The following CFAP61 variants were observed in gnomAD, a reference collection of about 807,000 sequenced individuals.
CFAP61 encodes cilia- and flagella-associated protein 61.
Under a neutral mutation model 135.6 loss-of-function variants are expected in CFAP61, and 107 were observed. That is an observed-to-expected ratio of 0.79 (90% confidence interval 0.67 to 0.93). The LOEUF is 0.93. Among genes scored for constraint, CFAP61 ranks in the 40% least tolerant of loss-of-function variants. The pLI, the probability that CFAP61 is intolerant of heterozygous loss-of-function variation, is 0.00. For synonymous variants in CFAP61, 575 were observed against 578.5 expected (o/e 0.99, Z 0.09); for missense variants, 1,507 against 1,556.2 (o/e 0.97, Z 0.53).
intron 26 of CFAP61, among the ~76,000 whole-genome samples, chr20:20,351,194 T>C (rs1419369261): frequency 1.3e-5 from 2 of 152,190 alleles, no homozygotes; most frequent in African/African-American, 4.8e-5. Context: ...CATGATCTTA[T>C]ACACATAAAA....
chr20:20,343,897 G>A (rs1026126226), intron 26 of CFAP61, among the ~76,000 whole-genome samples: 2 of 152,166 alleles, frequency 1.3e-5, no homozygotes, highest in East Asian at 1.9e-4. Context: ...ACCTGTGTAC[G>A]GATATTTGCT....
At chr20:20,116,841 G>C (rs900981754) in intron 8 of CFAP61, among the ~76,000 whole-genome samples, 13 of 152,068 alleles carry the variant, frequency 8.5e-5, no homozygotes, top group Non-Finnish European at 1.6e-4. Flanking sequence ...ATGTGAGTGA[G>C]AACATTTGAT....
At chr20:20,147,742 T>C (rs571560352) in intron 9 of CFAP61, among the ~76,000 whole-genome samples, 1 of 152,340 alleles carries the variant, frequency 6.6e-6, no homozygotes, top group East Asian at 1.9e-4. Flanking sequence ...ACTTTTTAGT[T>C]TAGTTAGGTC....
chr20:20,213,679 G>A (rs571454654), intron 17 of CFAP61, among the ~76,000 whole-genome samples: 5 of 151,930 alleles, frequency 3.3e-5, no homozygotes, highest in African/African-American at 7.3e-5. Flanking sequence ...GCCTGTTTAC[G>A]TTCTCACCAT....
intron 21 of CFAP61, among the ~76,000 whole-genome samples, chr20:20,276,773 T>A (rs2053795079): frequency 6.6e-6 from 1 of 152,220 alleles, no homozygotes; most frequent in Admixed American, 6.5e-5. Context: ...AGCATGAATA[T>A]TTTTTACCAT....
intron 21 of CFAP61, among the ~76,000 whole-genome samples, chr20:20,272,791 C>G (rs717778): frequency 0.097 from 14,754 of 152,034 alleles, 755 homozygotes; most frequent in Middle Eastern, 0.16. Context: ...TCTCTGCCCC[C>G]CTTTCTTTCT....
chr20:20,140,008 T>A (rs1331233485), intron 8 of CFAP61, among the ~76,000 whole-genome samples: 2 of 152,144 alleles, frequency 1.3e-5, no homozygotes, highest in African/African-American at 2.4e-5. Context: ...GAGGTTTTTT[T>A]AATTCACAAG....
intron 26 of CFAP61, among the ~76,000 whole-genome samples, chr20:20,354,311 C>T (rs191111738): frequency 2.0e-5 from 3 of 151,986 alleles, no homozygotes; most frequent in African/African-American, 4.8e-5. Flanking sequence ...AGAGCAGCCT[C>T]GCAAACATGG....
intron 15 of CFAP61, among the ~76,000 whole-genome samples, chr20:20,191,964 CGTG>C (rs1420718993): frequency 2.0e-5 from 3 of 151,966 alleles, no homozygotes; most frequent in Non-Finnish European, 4.4e-5. Flanking sequence ...TGTTCTGTTC[CGTG>C]GATTTATCTG....
At chr20:20,061,978 AC>A (rs1366942845) in intron 2 of CFAP61, among the ~76,000 whole-genome samples, 11 of 152,078 alleles carry the variant, frequency 7.2e-5, no homozygotes, top group Admixed American at 7.2e-4. Flanking sequence ...CTCTGGCCTC[AC>A]CCTAGTTCGA....
intron 9 of CFAP61, among the ~76,000 whole-genome samples, chr20:20,143,468 A>G (rs1291096954): frequency 6.6e-6 from 1 of 152,168 alleles, no homozygotes; most frequent in Non-Finnish European, 1.5e-5. Context: ...AATGAAGCTG[A>G]TTTAATGGAA....
intron 25 of CFAP61, among the ~76,000 whole-genome samples, chr20:20,341,171 A>G (rs2058431010): frequency 6.6e-6 from 1 of 152,202 alleles, no homozygotes; most frequent in Admixed American, 6.5e-5. Flanking sequence ...GTTCCAAGAC[A>G]CTTAAAGTAA....
At chr20:20,080,393 A>G (rs797013292) in intron 6 of CFAP61, among the ~76,000 whole-genome samples, 17 of 152,278 alleles carry the variant, frequency 1.1e-4, no homozygotes, top group African/African-American at 3.8e-4. Flanking sequence ...GCTCTAATAC[A>G]ATTCATTTAG....
intron 25 of CFAP61, among the ~76,000 whole-genome samples, chr20:20,306,501 A>G (rs1334356905): frequency 1.3e-5 from 2 of 152,218 alleles, no homozygotes; most frequent in African/African-American, 2.4e-5. Flanking sequence ...GTGCCCGTCA[A>G]TGAATGAAAG....
intron 13 of CFAP61, among the ~76,000 whole-genome samples, chr20:20,181,912 G>T (rs1438823955): frequency 6.6e-6 from 1 of 152,238 alleles, no homozygotes; most frequent in Non-Finnish European, 1.5e-5. Flanking sequence ...GGGACTGAAA[G>T]ATGGGAGCCA....
intron 17 of CFAP61, among the ~76,000 whole-genome samples, chr20:20,220,829 C>G (rs569172380): frequency 6.6e-6 from 1 of 152,170 alleles, no homozygotes; most frequent in African/African-American, 2.4e-5. Flanking sequence ...TTTCCCGAAC[C>G]TTTCAGCTCA....
intron 25 of CFAP61, among the ~76,000 whole-genome samples, chr20:20,303,993 G>C (rs2056272201): frequency 6.6e-6 from 1 of 152,108 alleles, no homozygotes; most frequent in Admixed American, 6.5e-5. Context: ...TGGCAGCCCT[G>C]CGGGTCAGAT....
intron 18 of CFAP61, among the ~76,000 whole-genome samples, chr20:20,243,779 C>T (rs951113416): frequency 2.0e-5 from 3 of 152,176 alleles, no homozygotes; most frequent in Non-Finnish European, 4.4e-5. Context: ...CAAAAGTCCA[C>T]AGCCTAAAGT....
chr20:20,196,287 C>A (rs2056281277), intron 15 of CFAP61, among the ~76,000 whole-genome samples: 2 of 152,158 alleles, frequency 1.3e-5, no homozygotes, highest in African/African-American at 4.8e-5. Context: ...GCCAATGGCA[C>A]AGACTCGGGG....
Sources: allele counts gnomAD v4.1 joint callset (sites outside exome capture counted in the v4.1 genomes callset), GRCh38; gene constraint gnomAD v4.1.1; transcripts MANE v1.5; gene names NCBI Gene and HGNC (gene_info 2026-07-23, HGNC 2026-07-21).